The following EFCAB3 variants were observed in gnomAD, a reference collection of about 807,000 sequenced individuals.
EFCAB3 encodes the protein EF-hand calcium binding domain 3.
Under a neutral mutation model 42.2 loss-of-function variants are expected in EFCAB3, and 36 were observed. That is an observed-to-expected ratio of 0.85 (90% confidence interval 0.65 to 1.13). The LOEUF is 1.13. Ranked by LOEUF, EFCAB3 falls within the 50% of genes most tolerant of loss-of-function variation. EFCAB3 has a pLI of 0.00. For missense variants in EFCAB3, 418 were observed against 505.1 expected, an observed-to-expected ratio of 0.83 and a Z score of 1.65; for synonymous variants, 170 against 172.8, an observed-to-expected ratio of 0.98 and a Z score of 0.13.
At chr17:62,380,982 T>C (rs912908217) in intron 1 of EFCAB3, among the ~76,000 whole-genome samples, 1 of 152,214 alleles carries the variant, frequency 6.6e-6, no homozygotes, top group Non-Finnish European at 1.5e-5. Context: ...CAGTGAACTA[T>C]CAAATACACT....
chr17:62,372,753 A>G (rs2070123026), intron 1 of EFCAB3, among the ~76,000 whole-genome samples: 1 of 152,120 alleles, frequency 6.6e-6, no homozygotes, highest in Non-Finnish European at 1.5e-5. Flanking sequence ...TTACATAGCA[A>G]TGGTCAGAAA....
Position 62,382,904 on chromosome 17 carries a change from A to G in EFCAB3, c.-17-59A>G. 3 of 1,483,100 alleles carry G rather than the reference A, an allele frequency of 2.0e-6. No homozygotes were observed. In the East Asian group the frequency reaches 7.3e-5, roughly 36 times the overall value. The allele number at this position is 1,483,100 out of a possible 1,614,324, so 91.9% of individuals were successfully genotyped here. A position where few individuals can be genotyped will look rare whatever the true frequency, so the allele number is the denominator to read the frequency against. On this transcript the variant is annotated intron_variant, in intron 1 of 9. Coordinates refer to ENST00000305286, the MANE Select transcript of EFCAB3 (RefSeq NM_173503.4). ...CAGGCTTTGAGCTGAAAAAGTTGCA[A>G]AAGAATATAAAGAATGAATCTGTAA... is the stretch of plus-strand genomic sequence containing the variant.
intron 2 of EFCAB3, among the ~76,000 whole-genome samples, chr17:62,386,176 AT>A (rs1303335606): frequency 6.6e-6 from 1 of 152,138 alleles, no homozygotes; most frequent in African/African-American, 2.4e-5. Flanking sequence ...GTTAAATCAC[AT>A]TTACTTAAAT....
At chr17:62,373,504 C>G (rs976766534) in intron 1 of EFCAB3, among the ~76,000 whole-genome samples, 3 of 152,002 alleles carry the variant, frequency 2.0e-5, no homozygotes, top group African/African-American at 7.2e-5. Flanking sequence ...ACCTGCAGTC[C>G]CAGCTGCTCA....
intron 6 of EFCAB3, among the ~76,000 whole-genome samples, chr17:62,403,307 G>A (rs1296509207): frequency 6.6e-6 from 1 of 152,118 alleles, no homozygotes; most frequent in Non-Finnish European, 1.5e-5. Context: ...CAACATGAAA[G>A]CAATGCATTT....
chr17:62,396,600 A>G lies in EFCAB3; in HGVS notation c.488+1412A>G, dbSNP rs115005401. On this transcript the variant is annotated intron_variant, in intron 6 of 9. Transcript: ENST00000305286. ...AAAAGAAAATTGAAGCTTCGTTTAA[A>G]AAAAAATTATAGCCAGGCACCATGG... Among the ~76,000 whole-genome samples, 335 of 151,932 alleles carry G rather than the reference A, an allele frequency of 2.2e-3. 1 individual carries two copies. The highest frequency in any genetic ancestry group is 8.0e-3 in the African/African-American group (330 of 41,470).
At chr17:62,383,508 G>T (rs1313115709) in intron 2 of EFCAB3, among the ~76,000 whole-genome samples, 1 of 151,990 alleles carries the variant, frequency 6.6e-6, no homozygotes, top group Non-Finnish European at 1.5e-5. Context: ...TGCTCATAAA[G>T]ATTATGATGA....
intron 2 of EFCAB3, among the ~76,000 whole-genome samples, chr17:62,375,189 T>A (rs926954075): frequency 3.3e-5 from 5 of 152,224 alleles, no homozygotes; most frequent in Non-Finnish European, 7.3e-5. Flanking sequence ...TGAATTTTAA[T>A]AGAAAATAAA....
intron 6 of EFCAB3, among the ~76,000 whole-genome samples, chr17:62,398,905 T>A (rs556761730): frequency 6.6e-6 from 1 of 152,212 alleles, no homozygotes; most frequent in Non-Finnish European, 1.5e-5. Context: ...GGTATTCACA[T>A]AGTTGACACC....
chr17:62,406,040 A>G (rs2070444481), intron 6 of EFCAB3, among the ~76,000 whole-genome samples: 1 of 146,802 alleles, frequency 6.8e-6, no homozygotes, highest in Non-Finnish European at 1.5e-5. Context: ...GTGTTTGTCA[A>G]GGATCATAAT....
intron 6 of EFCAB3, among the ~76,000 whole-genome samples, chr17:62,395,622 C>T (rs1225205705): frequency 6.6e-6 from 1 of 152,128 alleles, no homozygotes; most frequent in Non-Finnish European, 1.5e-5. Flanking sequence ...CAAATTCAGA[C>T]CTCCGAAAGT....
chr17:62,383,090 T>C (rs551397162), intron 2 of EFCAB3, 37 bp downstream of exon 2: 1 of 1,548,432 alleles, frequency 6.5e-7, no homozygotes, highest in Non-Finnish European at 8.8e-7. Flanking sequence ...AAATGTATTA[T>C]GATAAAGAAT....
At chr17:62,378,115 G>A (rs777977521), upstream of EFCAB3, 2 of 1,021,882 alleles carry the variant, frequency 2.0e-6, no homozygotes, top group Non-Finnish European at 2.9e-6. Context: ...TAATTGTCTT[G>A]TCAGTTTCTA....
chr17:62,377,960 T>C (rs2070163451), upstream of EFCAB3: 1 of 1,547,060 alleles, frequency 6.5e-7, no homozygotes, highest in Non-Finnish European at 8.7e-7. Context: ...CTTAATCTTG[T>C]CTTTAAGCAA....
At chr17:62,401,813 C>G (rs1009013708) in intron 6 of EFCAB3, among the ~76,000 whole-genome samples, 6 of 152,004 alleles carry the variant, frequency 3.9e-5, no homozygotes, top group African/African-American at 1.4e-4. Context: ...TAGTTTTTTC[C>G]AATTCTGTAA....
At chr17:62,381,627 G>T in intron 1 of EFCAB3, 1 of 181,448 alleles carries the variant, frequency 5.5e-6, no homozygotes, top group Non-Finnish European at 1.2e-5. Flanking sequence ...AAGATCGCAC[G>T]CATGGAGGCC....
intron 4 of EFCAB3, among the ~76,000 whole-genome samples, chr17:62,392,886 C>G (rs896617562): frequency 6.6e-6 from 1 of 152,156 alleles, no homozygotes; most frequent in Non-Finnish European, 1.5e-5. Flanking sequence ...ATCCGCCCGC[C>G]TCGGCCTCCT....
rs1261155549 is a variant in EFCAB3 at position 62,416,056 on chromosome 17, A to G, written c.1044A>G (p.Lys348=). ...TAGGAATTGCCCTTGAACACCGAAA[A>G]GAGATGCTAAACCTCTGGCAGAAGA... ...YNLGIALEHR[K]EMLNLWQKIR... The change falls in exon 10 of 10, where the codon AAA becomes AAG. Residue 348 remains lysine, a synonymous_variant. Coordinates refer to ENST00000305286, the MANE Select transcript of EFCAB3 (RefSeq NM_173503.4). The G allele has an allele frequency of 6.2e-7, 1 of 1,613,952 alleles. No individual in the cohort carries two copies. Among genetic ancestry groups the G allele is most frequent in the Non-Finnish European group, 8.5e-7 (1 of 1,179,868 alleles).
chr17:62,413,732 G>A lies in EFCAB3; in HGVS notation c.868G>A (p.Ala290Thr). ...CCTTCTTTTTTAAATATGCATAAAG[G>A]CAGCAAATATAAAGTCTATGGACCC... is the stretch of plus-strand genomic sequence containing the variant. The part of the protein sequence containing the change: ...FFHKRDWKTQ[A>T]ANIKSMDPAS... The change falls in exon 9 of 10, where the codon GCA becomes ACA. Residue 290 changes from alanine to threonine, a missense_variant and splice_region_variant. Ala to Thr is a moderately conservative substitution (Grantham distance 58). Transcript: ENST00000305286. 3 of 1,592,656 alleles carry A rather than the reference G, an allele frequency of 1.9e-6. No individual in the cohort carries two copies. The highest frequency in any genetic ancestry group is 4.5e-5 in the East Asian group (2 of 44,706).
Sources: allele counts gnomAD v4.1 joint callset (sites outside exome capture counted in the v4.1 genomes callset), GRCh38; gene constraint gnomAD v4.1.1; transcripts MANE v1.5; gene names NCBI Gene and HGNC (gene_info 2026-07-23, HGNC 2026-07-21).